The following PRLR variants were observed in gnomAD, a reference collection of about 807,000 sequenced individuals.
PRLR encodes the protein prolactin receptor.
In PRLR, 13 loss-of-function variants were observed where a neutral mutation model predicts 40.2. That is an observed-to-expected ratio of 0.32 (90% confidence interval 0.21 to 0.51). PRLR has a LOEUF of 0.51. PRLR is among the 20% of genes least tolerant of loss of function. The pLI, the probability that PRLR is intolerant of heterozygous loss-of-function variation, is 0.97. For missense variants in PRLR, 656 were observed against 747.3 expected (o/e 0.88, Z 1.42); for synonymous variants, 269 against 278.7 (o/e 0.97, Z 0.35).
intron 2 of PRLR, among the ~76,000 whole-genome samples, chr5:35,103,547 C>T (rs1415460199): frequency 6.6e-6 from 1 of 152,194 alleles, no homozygotes. Flanking sequence ...GTCTTCCAAA[C>T]ATTCCTCTCT....
intron 1 of PRLR, among the ~76,000 whole-genome samples, chr5:35,170,471 G>A (rs1203621005): frequency 6.6e-6 from 1 of 152,158 alleles, no homozygotes; most frequent in Non-Finnish European, 1.5e-5. Context: ...CCTGGGCAAT[G>A]TGGCAAACCT....
intron 1 of PRLR, among the ~76,000 whole-genome samples, chr5:35,221,031 C>T (rs567072585): frequency 5.3e-5 from 8 of 152,274 alleles, no homozygotes; most frequent in Non-Finnish European, 1.2e-4. Context: ...TTTATGAGTA[C>T]CCCAGCCTAC....
intron 1 of PRLR, among the ~76,000 whole-genome samples, chr5:35,224,496 T>G (rs972950526): frequency 6.6e-5 from 10 of 152,222 alleles, no homozygotes; most frequent in African/African-American, 2.4e-4. Context: ...AGATTTGGAT[T>G]TCAAGTGGAA....
rs1016651201 is a variant in PRLR at position 35,203,091 on chromosome 5, G to A, written c.-106+27177C>T. Among the ~76,000 whole-genome samples the A allele has an allele frequency of 2.1e-4, 32 of 152,204 alleles. 1 individual carries two copies. The highest frequency in any genetic ancestry group is 6.0e-4 in the African/African-American group (25 of 41,462). ...TGTTCCCATAGGACACTGGGGAGAA[G>A]AGAATGTCTGAGCTGGCCATTTCCT... On this transcript the variant is annotated intron_variant, in intron 1 of 9. Transcript: ENST00000618457.
intron 1 of PRLR, among the ~76,000 whole-genome samples, chr5:35,178,252 A>C (rs906306417): frequency 1.3e-5 from 2 of 152,196 alleles, no homozygotes; most frequent in Non-Finnish European, 2.9e-5. Context: ...ATGATTTAAG[A>C]AGTATTTCTA....
intron 5 of PRLR, among the ~76,000 whole-genome samples, chr5:35,079,205 C>G (rs1489714888): frequency 6.6e-6 from 1 of 152,098 alleles, no homozygotes; most frequent in Non-Finnish European, 1.5e-5. Flanking sequence ...AAGTTCTGGC[C>G]AGGGCAATCA....
Position 35,061,885 on chromosome 5 carries a change from T to C in PRLR, c.*3204A>G, listed in dbSNP as rs910651260. On this transcript the variant is annotated 3_prime_UTR_variant, in exon 10 of 10. Transcript: ENST00000618457. ...AACAGCCAAATATAAGAAAAGAGAT[T>C]TGGGGCTGTTGGATTCAGCAAGGAA... 6.6e-6 allele frequency: 1 copy of C among 152,104 alleles called. No individual in the cohort carries two copies. Among genetic ancestry groups the C allele is most frequent in the Non-Finnish European group, 1.5e-5 (1 of 68,008 alleles). The allele number at this position is 152,104 out of a possible 1,614,324, so 9.4% of individuals were successfully genotyped here. A position where few individuals can be genotyped will look rare whatever the true frequency, so the allele number is the denominator to read the frequency against.
chr5:35,188,897 T>C (rs1321969930), intron 1 of PRLR, among the ~76,000 whole-genome samples: 3 of 152,198 alleles, frequency 2.0e-5, no homozygotes, highest in Non-Finnish European at 4.4e-5. Context: ...TATTAGGTAA[T>C]GTTTGGGTTG....
chr5:35,089,091 G>T (rs1011602069), intron 3 of PRLR, among the ~76,000 whole-genome samples: 1 of 152,142 alleles, frequency 6.6e-6, no homozygotes, highest in African/African-American at 2.4e-5. Context: ...TAATAGAGTC[G>T]GCTGTACCTG....
intron 1 of PRLR, among the ~76,000 whole-genome samples, chr5:35,144,895 G>A (rs924739966): frequency 2.0e-5 from 3 of 152,126 alleles, no homozygotes; most frequent in African/African-American, 7.2e-5. Flanking sequence ...CTTTGCCTTT[G>A]ATTTGCAGCA....
At chr5:35,078,906 A>G (rs1770306268) in intron 5 of PRLR, among the ~76,000 whole-genome samples, 1 of 152,226 alleles carries the variant, frequency 6.6e-6, no homozygotes, top group South Asian at 2.1e-4. Context: ...GGTTCAACAT[A>G]TGCAAATCAA....
At chr5:35,074,416 C>T (rs1032038422) in intron 5 of PRLR, among the ~76,000 whole-genome samples, 6 of 151,114 alleles carry the variant, frequency 4.0e-5, no homozygotes, top group East Asian at 3.9e-4. Flanking sequence ...GAGCTGAGAT[C>T]GCACCATTGC....
chr5:35,137,437 G>C (rs1309648154), intron 1 of PRLR, among the ~76,000 whole-genome samples: 1 of 152,190 alleles, frequency 6.6e-6, no homozygotes, highest in Non-Finnish European at 1.5e-5. Context: ...GTGAGTTTCA[G>C]CCATTTGGCC....
At position 35,059,107 on chromosome 5, in the gene PRLR, G is replaced by A. The variant is rs1426960859; in HGVS notation, c.*5982C>T. 1 of 152,120 alleles carries A rather than the reference G, an allele frequency of 6.6e-6. No individual in the cohort carries two copies. Among genetic ancestry groups the A allele is most frequent in the African/African-American group, 2.4e-5 (1 of 41,444 alleles). 9.4% of individuals were successfully genotyped at this position (152,120 alleles called of 1,614,324 possible). On this transcript the variant is annotated 3_prime_UTR_variant, in exon 10 of 10. Transcript: ENST00000618457. ...CAAAAAAACTCAGACTACATTTTGA[G>A]GTTTATCCAAGTGAAGCGTAATTTG...
chr5:35,107,003 G>T (rs1351776237), intron 2 of PRLR, among the ~76,000 whole-genome samples: 1 of 152,164 alleles, frequency 6.6e-6, no homozygotes, highest in Non-Finnish European at 1.5e-5. Context: ...AAATGTAAAA[G>T]AACAGAAATT....
intron 2 of PRLR, among the ~76,000 whole-genome samples, chr5:35,105,445 G>A (rs1561302439): frequency 6.6e-6 from 1 of 152,198 alleles, no homozygotes; most frequent in Non-Finnish European, 1.5e-5. Flanking sequence ...AAAGGAGGGT[G>A]TTCAAACCCA....
chr5:35,204,766 AG>A (rs967256204), intron 1 of PRLR, among the ~76,000 whole-genome samples: 96 of 152,312 alleles, frequency 6.3e-4, no homozygotes, highest in African/African-American at 2.2e-3. Flanking sequence ...CCACTGAAAA[AG>A]ATCATGTCTT....
intron 2 of PRLR, among the ~76,000 whole-genome samples, chr5:35,107,083 C>T (rs977772918): frequency 2.6e-5 from 4 of 152,256 alleles, no homozygotes; most frequent in East Asian, 3.9e-4. Context: ...CACTCAAAAC[C>T]ACACAACTAC....
chr5:35,194,810 T>G (rs1185926909), intron 1 of PRLR, among the ~76,000 whole-genome samples: 1 of 152,196 alleles, frequency 6.6e-6, no homozygotes, highest in Admixed American at 6.5e-5. Flanking sequence ...AACTATTCTG[T>G]ATGATACTGT....
Sources: allele counts gnomAD v4.1 joint callset (sites outside exome capture counted in the v4.1 genomes callset), GRCh38; gene constraint gnomAD v4.1.1; transcripts MANE v1.5; gene names NCBI Gene and HGNC (gene_info 2026-07-23, HGNC 2026-07-21).